The following PNPLA8 variants were observed in gnomAD, a reference collection of about 807,000 sequenced individuals.
PNPLA8 encodes the protein patatin like domain 8, phospholipase A2.
PNPLA8 carries 39 observed loss-of-function variants against 76.9 expected under a neutral mutation model. The ratio of observed to expected loss-of-function variants is 0.51; its 90% CI spans 0.39 to 0.66. PNPLA8 has a LOEUF of 0.66. Among genes scored for constraint, PNPLA8 ranks in the 30% least tolerant of loss-of-function variants. PNPLA8 has a pLI of 0.00. For synonymous variants in PNPLA8, 301 were observed against 307.9 expected (o/e 0.98, Z 0.24); for missense variants, 887 against 918.0 (o/e 0.97, Z 0.44).
chr7:108,491,103 G>A (rs1045478281), intron 8 of PNPLA8, among the ~76,000 whole-genome samples: 1 of 152,130 alleles, frequency 6.6e-6, no homozygotes, highest in African/African-American at 2.4e-5. Flanking sequence ...TTGGGAGTTT[G>A]AGACCAGCCT....
At chr7:108,523,162 A>C (rs749263384) in intron 1 of PNPLA8, among the ~76,000 whole-genome samples, 2 of 152,240 alleles carry the variant, frequency 1.3e-5, no homozygotes, top group Non-Finnish European at 2.9e-5. Flanking sequence ...CACTTAGAGA[A>C]GGGAATGGAG....
At position 108,511,283 on chromosome 7, in the gene PNPLA8, G is replaced by A. The variant is rs115923782; in HGVS notation, c.1206+2861C>T. ...TCTGGAAATGATTAGGTTAATGGTT[G>A]ATGAGATAATGCTTCTAGCACAATT... On this transcript the variant is annotated intron_variant, in intron 4 of 10. Coordinates refer to ENST00000257694, the MANE Select transcript of PNPLA8 (RefSeq NM_001256007.3). 4.6e-5 allele frequency among the ~76,000 whole-genome samples: 7 copies of A among 152,280 alleles called. No individual in the cohort carries two copies. The East Asian group carries it at 1.2e-3, about 25-fold the overall frequency.
chr7:108,508,651 T>C (rs1862640368), intron 4 of PNPLA8, among the ~76,000 whole-genome samples: 1 of 136,974 alleles, frequency 7.3e-6, no homozygotes, highest in Non-Finnish European at 1.6e-5. Flanking sequence ...CCAATGACTT[T>C]CTTCACAGAA....
chr7:108,518,194 T>C (rs962145790), intron 2 of PNPLA8: 2 of 152,232 alleles, frequency 1.3e-5, no homozygotes, highest in African/African-American at 4.8e-5. Context: ...ACCTACCTCT[T>C]AATACCATCA....
chr7:108,490,525 C>T (rs747506120), intron 8 of PNPLA8, among the ~76,000 whole-genome samples: 9 of 152,002 alleles, frequency 5.9e-5, no homozygotes, highest in African/African-American at 9.7e-5. Context: ...GGCTCACGCC[C>T]GTAATCCCAG....
chr7:108,514,388 A>C, intron 3 of PNPLA8, 48 bp downstream of exon 3: 1 of 1,554,944 alleles, frequency 6.4e-7, no homozygotes, highest in South Asian at 1.2e-5. Flanking sequence ...TAAAACTTAT[A>C]AATTTGACAA....
chr7:108,478,953 T>A (rs753582710), intron 10 of PNPLA8, among the ~76,000 whole-genome samples: 10 of 152,208 alleles, frequency 6.6e-5, no homozygotes, highest in Non-Finnish European at 1.3e-4. Flanking sequence ...TCTCCAACAG[T>A]AAGTGGGCAA....
At chr7:108,522,990 T>C (rs1299226905) in intron 1 of PNPLA8, among the ~76,000 whole-genome samples, 1 of 152,172 alleles carries the variant, frequency 6.6e-6, no homozygotes, top group African/African-American at 2.4e-5. Flanking sequence ...GCAAGGTAAG[T>C]GTTTTGAGAG....
rs879350577 is a variant in PNPLA8, at chr7:108,496,992, G to A, written c.1454-237C>T. Among the ~76,000 whole-genome samples the A allele has an allele frequency of 5.7e-3, 871 of 151,938 alleles. 3 individuals carry two copies. Among genetic ancestry groups the A allele is most frequent in the Non-Finnish European group, 9.0e-3 (613 of 67,948 alleles). On this transcript the variant is annotated intron_variant, in intron 6 of 10. Transcript: ENST00000257694. The stretch of plus-strand genomic sequence containing the variant: ...TAACAAATGTAAAGGGATTTACCAG[G>A]TCTCAAAAAGGATTAAATAAATGCT...
intron 10 of PNPLA8, among the ~76,000 whole-genome samples, chr7:108,474,292 G>A (rs1303627229): frequency 6.6e-6 from 1 of 151,934 alleles, no homozygotes. Context: ...TATAGTTTCA[G>A]CTCTTAGATT....
At chr7:108,484,380 T>A (rs1189326220) in intron 9 of PNPLA8, among the ~76,000 whole-genome samples, 5 of 152,038 alleles carry the variant, frequency 3.3e-5, no homozygotes, top group East Asian at 1.9e-4. Context: ...GTAGACCACA[T>A]CCTGTTAATA....
At position 108,471,027 on chromosome 7, in the gene PNPLA8, G is replaced by A. The variant is rs1170519945; in HGVS notation, c.*1374C>T. 3 of 152,170 alleles carry A rather than the reference G, an allele frequency of 2.0e-5. No individual in the cohort carries two copies. Among genetic ancestry groups the A allele is most frequent in the Non-Finnish European group, 1.5e-5 (1 of 68,002 alleles). The allele number at this position is 152,170 out of a possible 1,614,324, so 9.4% of individuals were successfully genotyped here. Reference sequence around the variant, plus strand: ...AGTTTGTATGTCTAAAACAAGGGGCGCTAACCTTTGTTTCATTTTTCTTAA... The same window carrying A: ...AGTTTGTATGTCTAAAACAAGGGGCACTAACCTTTGTTTCATTTTTCTTAA... On this transcript the variant is annotated 3_prime_UTR_variant, in exon 11 of 11. Transcript: ENST00000257694.
rs747770798 is a variant in PNPLA8, at chr7:108,502,666, T to C, written c.1207-24A>G. 4 of 1,571,606 alleles carry C rather than the reference T, an allele frequency of 2.5e-6. No homozygotes were observed. The East Asian group carries it at 6.7e-5, about 26-fold the overall frequency. The stretch of plus-strand genomic sequence containing the variant: ...TCCTATATTGAGAGAAAAGATACTT[T>C]GTTGCTTTTGTCAAATCAAGACTGA... On this transcript the variant is annotated intron_variant, in intron 4 of 10. Coordinates refer to ENST00000257694, the MANE Select transcript of PNPLA8 (RefSeq NM_001256007.3).
intron 9 of PNPLA8, 58 bp from the exon 10 acceptor site, chr7:108,479,437 A>T (rs1860240424): frequency 1.7e-6 from 2 of 1,144,732 alleles, no homozygotes; most frequent in South Asian, 2.8e-5. Context: ...GGAAAGCTGA[A>T]CTATGTAATA....
At chr7:108,526,145 G>C, upstream of PNPLA8, 1 of 952,012 alleles carries the variant, frequency 1.1e-6, no homozygotes, top group Non-Finnish European at 1.3e-6. Context: ...TGGCGCAGCA[G>C]CTAGGTCGCC....
Position 108,514,854 on chromosome 7 carries a change from GAATT to G in PNPLA8, c.634_637del (p.Asn212HisfsTer29), listed in dbSNP as rs786205882. The G allele has an allele frequency of 2.5e-6, 4 of 1,610,122 alleles. No individual in the cohort carries two copies. The African/African-American group carries it at 5.3e-5, about 22-fold the overall frequency. On this transcript the variant is annotated frameshift_variant, in exon 3 of 11. Transcript: ENST00000257694. LOFTEE classifies it high-confidence loss of function. Reference sequence around the variant, plus strand: ...CATTTTTTCCTTACGTTTGAAATATGAATTAATATGATTTGATAAAAAGTAGAAT... The same window carrying G: ...CATTTTTTCCTTACGTTTGAAATATGAATATGATTTGATAAAAAGTAGAAT...
In PNPLA8 at chr7:108,497,563, A is replaced by C; in HGVS notation, c.1373T>G (p.Leu458Arg). The change falls in exon 6 of 11, where the codon CTC (leucine) becomes CGC (arginine). Residue 458 changes from leucine (L) to arginine (R), a missense_variant. Leu to Arg is a moderately radical substitution (Grantham distance 102, BLOSUM62 -2). Coordinates refer to ENST00000257694, the MANE Select transcript of PNPLA8 (RefSeq NM_001256007.3). ...TTCAACTAATTTTCGTAGGGTCTGG[A>C]GAGCAACCACGCCCCTACAGAAAAG... ...DGGGTRGVVA[L>R]QTLRKLVELT... is the part of the protein sequence containing the mutation. The C allele has an allele frequency of 6.2e-7, 1 of 1,602,962 alleles. No homozygotes were observed. The highest frequency in any genetic ancestry group is 1.1e-5 in the South Asian group (1 of 89,574).
At chr7:108,526,645 A>G (rs1398938220), upstream of PNPLA8, among the ~76,000 whole-genome samples, 9 of 152,160 alleles carry the variant, frequency 5.9e-5, no homozygotes, top group Admixed American at 5.9e-4. Context: ...CCCTTTCTCT[A>G]TATCCATTCC....
chr7:108,514,311 A>C lies in PNPLA8; in HGVS notation c.1057-18T>G. On this transcript the variant is annotated intron_variant, in intron 3 of 10. Coordinates refer to ENST00000257694, the MANE Select transcript of PNPLA8 (RefSeq NM_001256007.3). Reference sequence around the variant, plus strand: ...GCGATAATCTACAAAGACATATTAAATAGATATGATTAGAATACAAAACTG... The same window carrying C: ...GCGATAATCTACAAAGACATATTAACTAGATATGATTAGAATACAAAACTG... The C allele has an allele frequency of 1.3e-6, 2 of 1,593,376 alleles. No individual in the cohort carries two copies. Among genetic ancestry groups the C allele is most frequent in the Non-Finnish European group, 1.7e-6 (2 of 1,166,420 alleles).
Sources: allele counts gnomAD v4.1 joint callset (sites outside exome capture counted in the v4.1 genomes callset), GRCh38; gene constraint gnomAD v4.1.1; transcripts MANE v1.5; gene names NCBI Gene and HGNC (gene_info 2026-07-23, HGNC 2026-07-21).